Variants in URGCP observed in about 807,000 individuals in gnomAD.
URGCP encodes upregulator of cell proliferation, also known as up-regulator of cell proliferation.
A neutral mutation model predicts 24.6 loss-of-function variants in URGCP; 13 were observed. That is an observed-to-expected ratio of 0.53 (90% CI 0.34 to 0.84). The LOEUF (loss-of-function observed/expected upper bound fraction) is 0.84, where lower values mean the gene tolerates loss of function less well. URGCP is among the 40% of genes least tolerant of loss of function. URGCP has a pLI of 0.01. For synonymous variants in URGCP, 444 were observed against 487.2 expected (o/e 0.91, Z 1.17); for missense variants, 899 against 1,194.3 (o/e 0.75, Z 3.64).
intron 1 of URGCP, among the ~76,000 whole-genome samples, chr7:43,893,590 G>T (rs1251910151): frequency 6.6e-6 from 1 of 152,212 alleles, no homozygotes; most frequent in Non-Finnish European, 1.5e-5. Context: ...GGACAAAAAG[G>T]CTGGGTGCAG....
chr7:43,922,309 G>A (rs1294085704), intron 1 of URGCP, among the ~76,000 whole-genome samples: 1 of 152,156 alleles, frequency 6.6e-6, no homozygotes, highest in African/African-American at 2.4e-5. Flanking sequence ...TGATCCACCT[G>A]CCTTGGCCTC....
At chr7:43,920,010 A>G in intron 1 of URGCP, 1 of 1,316,626 alleles carries the variant, frequency 7.6e-7, no homozygotes, top group Non-Finnish European at 1.1e-6. Flanking sequence ...GATGAGTACC[A>G]CATGGCCACA....
intron 1 of URGCP, chr7:43,920,160 T>C: frequency 1.6e-6 from 1 of 616,674 alleles, no homozygotes; most frequent in Admixed American, 3.0e-5. Flanking sequence ...CACACATCTC[T>C]TTCTCATATA....
upstream of URGCP, among the ~76,000 whole-genome samples, chr7:43,909,518 G>A (rs1311349095): frequency 6.6e-6 from 1 of 152,046 alleles, no homozygotes; most frequent in African/African-American, 2.4e-5. Flanking sequence ...CTTGAGGTCA[G>A]AAGTTTGAGA....
At chr7:43,907,399 G>A (rs1329370290), upstream of URGCP, among the ~76,000 whole-genome samples, 1 of 152,088 alleles carries the variant, frequency 6.6e-6, no homozygotes, top group Non-Finnish European at 1.5e-5. Context: ...TTGGGAGGCC[G>A]AGGCAGGAGG....
At chr7:43,925,680 A>T (rs2095928635) in intron 1 of URGCP, among the ~76,000 whole-genome samples, 1 of 151,562 alleles carries the variant, frequency 6.6e-6, no homozygotes. Flanking sequence ...CTGTATTTTT[A>T]GTAGAGACGG....
intron 5 of URGCP, chr7:43,881,418 T>C: frequency 1.6e-6 from 1 of 612,724 alleles, no homozygotes; most frequent in Non-Finnish European, 2.9e-6. Context: ...GCAGTGAGTA[T>C]GTTGGGTGGT....
intron 1 of URGCP, among the ~76,000 whole-genome samples, chr7:43,913,239 C>G (rs1400469613): frequency 6.6e-6 from 1 of 152,116 alleles, no homozygotes; most frequent in Non-Finnish European, 1.5e-5. Flanking sequence ...GACGGAGTCT[C>G]GCTCTGTGGT....
intron 1 of URGCP, among the ~76,000 whole-genome samples, chr7:43,923,168 GA>G (rs1364190329): frequency 6.6e-6 from 1 of 151,962 alleles, no homozygotes; most frequent in East Asian, 1.9e-4. Context: ...ATTTTTAGTA[GA>G]GATGGGGTTT....
chr7:43,892,970 A>G (rs2095873168), intron 1 of URGCP, among the ~76,000 whole-genome samples: 1 of 152,182 alleles, frequency 6.6e-6, no homozygotes, highest in Admixed American at 6.5e-5. Context: ...AAGAAAAAAC[A>G]GGAAAGTAAA....
chr7:43,877,894 C>G lies in URGCP; in HGVS notation c.1569G>C (p.Lys523Asn), dbSNP rs1032963101. Residue 523 changes from lysine to asparagine, a missense_variant, in exon 6 of 6, where the codon AAG becomes AAC. Coordinates refer to ENST00000453200, the MANE Select transcript of URGCP (RefSeq NM_001077663.3). ...GCCGCCGCCTCAGCTCAGCCCTGTG[C>G]TTCTCAGGGGGGTCCACGGCCCACT... Reference protein sequence around the residue: ...QLQWAVDPPEKHRAELRRRLL... With the variant: ...QLQWAVDPPENHRAELRRRLL... The G allele has an allele frequency of 5.6e-6, 9 of 1,613,848 alleles. No individual in the cohort carries two copies. In the East Asian group the frequency reaches 6.7e-5, roughly 12 times the overall value.
At chr7:43,919,562 C>G in intron 1 of URGCP, 2 of 1,414,426 alleles carry the variant, frequency 1.4e-6, no homozygotes, top group Non-Finnish European at 2.0e-6. Context: ...TGAGGAAGAC[C>G]ATGGTCCTGG....
chr7:43,920,172 A>G lies in URGCP; in HGVS notation c.-116+5960T>C, dbSNP rs1045132486. 1.0e-5 allele frequency: 6 copies of G among 585,126 alleles called. No individual in the cohort carries two copies. In the South Asian group the frequency reaches 1.3e-4, roughly 13 times the overall value. The allele number at this position is 585,126 out of a possible 1,614,324, so 36.2% of individuals were successfully genotyped here. On this transcript the variant is annotated intron_variant, in intron 1 of 5. Transcript: ENST00000426198. ...CCTCACACATCTCTTTCTCATATAC[A>G]TGCATTTTCTGTTAGTCTGCGAACA...
rs529738516 is a variant in URGCP, at chr7:43,880,440, T to C, written c.203-1180A>G. 1.2e-4 allele frequency among the ~76,000 whole-genome samples: 18 copies of C among 152,236 alleles called. No homozygotes were observed. In the East Asian group the frequency reaches 2.7e-3, roughly 23 times the overall value. ...GTTCATGCTGCATATTAATTAGTTGTCTTAAAATTTGTTGTTGTTTGAGGC... is the reference window on the plus strand; with the variant it reads ...GTTCATGCTGCATATTAATTAGTTGCCTTAAAATTTGTTGTTGTTTGAGGC... On this transcript the variant is annotated intron_variant, in intron 5 of 5. Transcript: ENST00000453200.
chr7:43,900,469 C>CAAAAAAAAAAAAAAAAAAAAA (rs759728715), intron 1 of URGCP, among the ~76,000 whole-genome samples: 3 of 114,494 alleles, frequency 2.6e-5, no homozygotes, highest in Non-Finnish European at 3.6e-5. Flanking sequence ...AAAACCAAAA[C>CAAAAAAAAAAAAAAAAAAAAA]AAAAAAAAAA....
chr7:43,883,645 G>T (rs2095858098), intron 3 of URGCP, among the ~76,000 whole-genome samples: 1 of 152,042 alleles, frequency 6.6e-6, no homozygotes. Flanking sequence ...ACAGGCGTGA[G>T]CCACCTTGCC....
intron 1 of URGCP, among the ~76,000 whole-genome samples, chr7:43,894,198 C>G (rs2095875135): frequency 6.6e-6 from 1 of 152,166 alleles, no homozygotes; most frequent in African/African-American, 2.4e-5. Flanking sequence ...AAAGCAACAT[C>G]AGACTTAACT....
intron 4 of URGCP, 58 bp downstream of exon 4, chr7:43,881,849 A>C (rs929147287): frequency 4.4e-6 from 7 of 1,606,060 alleles, no homozygotes; most frequent in African/African-American, 2.7e-5. Flanking sequence ...GTTATCTGTC[A>C]CTTTACCCAC....
In URGCP at chr7:43,877,488, G is replaced by A; in HGVS notation, c.1975C>T (p.Pro659Ser). The stretch of plus-strand genomic sequence containing the variant: ...GTGCTCCCATCGATTAGCTCCAGAG[G>A]CAGCCCTGTCAGCAGCAGCTCCGAG... Reference protein sequence around the residue: ...LASELLLTGLPLELIDGSTLS... With the variant: ...LASELLLTGLSLELIDGSTLS... The change falls in exon 6 of 6, where the codon CCT becomes TCT. Residue 659 changes from proline to serine, a missense_variant. Coordinates refer to ENST00000453200, the MANE Select transcript of URGCP (RefSeq NM_001077663.3). 1.2e-6 allele frequency: 2 copies of A among 1,613,434 alleles called. No homozygotes were observed. Among genetic ancestry groups the A allele is most frequent in the Non-Finnish European group, 1.7e-6 (2 of 1,180,014 alleles).
Sources: allele counts gnomAD v4.1 joint callset (sites outside exome capture counted in the v4.1 genomes callset), GRCh38; gene constraint gnomAD v4.1.1; transcripts MANE v1.5; gene names NCBI Gene and HGNC (gene_info 2026-07-23, HGNC 2026-07-21).